FGF10: variants seen among roughly 807,000 people sequenced by gnomAD.
FGF10 encodes the protein fibroblast growth factor 10, also known as FGF-10.
FGF10 carries 2 observed loss-of-function variants against 19.8 expected under a neutral mutation model. That is an observed-to-expected ratio of 0.10 (90% CI 0.04 to 0.32). The LOEUF is 0.32. Ranked by LOEUF, FGF10 falls within the 10% of genes least tolerant of loss-of-function variation. The pLI is 1.00. For missense variants in FGF10, 191 were observed against 246.3 expected, an observed-to-expected ratio of 0.78 and a Z score of 1.50; for synonymous variants, 112 against 94.0, an observed-to-expected ratio of 1.19 and a Z score of -1.10.
intron 1 of FGF10, among the ~76,000 whole-genome samples, chr5:44,354,516 T>C (rs1342287411): frequency 6.6e-6 from 1 of 151,454 alleles, no homozygotes; most frequent in African/African-American, 2.4e-5. Context: ...CATCTGAAAA[T>C]CTTCAGAGAC....
chr5:44,350,466 A>T (rs1741206508), intron 1 of FGF10, among the ~76,000 whole-genome samples: 1 of 150,862 alleles, frequency 6.6e-6, no homozygotes, highest in Non-Finnish European at 1.5e-5. Flanking sequence ...AATTATGAGT[A>T]GCTATTTTAA....
intron 1 of FGF10, among the ~76,000 whole-genome samples, chr5:44,318,123 C>T (rs141292752): frequency 6.6e-6 from 1 of 152,086 alleles, no homozygotes; most frequent in Admixed American, 6.6e-5. Flanking sequence ...ATGTTTGAGT[C>T]ATTTGCTGTG....
Position 44,306,940 on chromosome 5 carries a change from T to C in FGF10, c.430-1748A>G, listed in dbSNP as rs570109951. On this transcript the variant is annotated intron_variant, in intron 2 of 2. Coordinates refer to ENST00000264664, the MANE Select transcript of FGF10 (RefSeq NM_004465.2). ...TACTTTTATTCTCTTTATCTCAGTC[T>C]GTCTAAAACTATATACTTTTCAAAG... Among the ~76,000 whole-genome samples, 13 of 152,364 alleles carry C rather than the reference T, an allele frequency of 8.5e-5. No individual in the cohort carries two copies. In the South Asian group the frequency reaches 2.7e-3, roughly 32 times the overall value.
At chr5:44,323,404 A>G (rs984307017) in intron 1 of FGF10, among the ~76,000 whole-genome samples, 2 of 152,126 alleles carry the variant, frequency 1.3e-5, no homozygotes, top group African/African-American at 4.8e-5. Flanking sequence ...AAATATTAGA[A>G]CTCAGCATGA....
intron 1 of FGF10, among the ~76,000 whole-genome samples, chr5:44,372,539 TC>T (rs1214399959): frequency 6.6e-6 from 1 of 152,150 alleles, no homozygotes; most frequent in Non-Finnish European, 1.5e-5. Flanking sequence ...GCCTTCTGTA[TC>T]CTACCTAAAT....
intron 1 of FGF10, among the ~76,000 whole-genome samples, chr5:44,359,097 C>T (rs544302563): frequency 2.0e-5 from 3 of 151,508 alleles, no homozygotes; most frequent in East Asian, 3.9e-4. Context: ...ATGAGAGCCT[C>T]CTAACAAGAT....
intron 1 of FGF10, among the ~76,000 whole-genome samples, chr5:44,339,865 C>A (rs1041454639): frequency 2.0e-5 from 3 of 152,130 alleles, no homozygotes; most frequent in African/African-American, 7.2e-5. Context: ...CCATCTCTTG[C>A]ATCATTCTTA....
chr5:44,328,102 C>A (rs1376003317), intron 1 of FGF10, among the ~76,000 whole-genome samples: 1 of 152,116 alleles, frequency 6.6e-6, no homozygotes, highest in Non-Finnish European at 1.5e-5. Context: ...TTTCCTTTCA[C>A]CTTTATGTAA....
intron 1 of FGF10, among the ~76,000 whole-genome samples, chr5:44,347,102 A>G (rs902533870): frequency 2.6e-5 from 4 of 151,786 alleles, no homozygotes; most frequent in African/African-American, 4.8e-5. Flanking sequence ...CCAAGAACAT[A>G]GTAAATACTC....
intron 1 of FGF10, among the ~76,000 whole-genome samples, chr5:44,388,038 A>G (rs1312914058): frequency 6.6e-6 from 1 of 151,528 alleles, no homozygotes; most frequent in African/African-American, 2.4e-5. Flanking sequence ...GGCGGTGGAG[A>G]GAGAAAGGGG....
chr5:44,332,255 C>A (rs1740752999), intron 1 of FGF10, among the ~76,000 whole-genome samples: 1 of 152,098 alleles, frequency 6.6e-6, no homozygotes, highest in African/African-American at 2.4e-5. Flanking sequence ...CCTTCCTCAT[C>A]TGTAAAATAA....
chr5:44,326,001 A>G (rs191516820), intron 1 of FGF10, among the ~76,000 whole-genome samples: 3 of 152,354 alleles, frequency 2.0e-5, no homozygotes, highest in African/African-American at 7.2e-5. Flanking sequence ...GTATATGAAT[A>G]GATACACATC....
At chr5:44,311,262 C>T (rs1377753916) in intron 1 of FGF10, among the ~76,000 whole-genome samples, 1 of 151,796 alleles carries the variant, frequency 6.6e-6, no homozygotes, top group Non-Finnish European at 1.5e-5. Flanking sequence ...ACACAAGTTT[C>T]GATTGCTGCA....
intron 1 of FGF10, among the ~76,000 whole-genome samples, chr5:44,349,100 A>C (rs1741157197): frequency 6.6e-6 from 1 of 151,306 alleles, no homozygotes; most frequent in Non-Finnish European, 1.5e-5. Flanking sequence ...TAAATAATTT[A>C]AGATTAAATT....
intron 2 of FGF10, among the ~76,000 whole-genome samples, chr5:44,308,039 T>C (rs1229479498): frequency 6.6e-6 from 1 of 152,162 alleles, no homozygotes; most frequent in Non-Finnish European, 1.5e-5. Context: ...CCTCACTCTC[T>C]CCAAGGTCAC....
intron 1 of FGF10, among the ~76,000 whole-genome samples, chr5:44,348,590 G>A (rs1353571844): frequency 6.6e-6 from 1 of 151,270 alleles, no homozygotes; most frequent in Non-Finnish European, 1.5e-5. Context: ...TATCTCTAGA[G>A]GTTCTTAGGA....
Position 44,388,497 on chromosome 5 carries a change from G to A in FGF10, c.186C>T (p.Ser62=), listed in dbSNP as rs886060654. The change falls in exon 1 of 3, where the codon AGC becomes AGT. Residue 62 remains serine (S), a synonymous_variant. Transcript: ENST00000264664. ...SSSSSFSSPS[S]AGRHVRSYNH... is the part of the protein sequence containing the mutation. ...TGTAGCTCCGCACATGCCTTCCCGCGCTGGAAGGAGAGGAGAAGGAGGAGG... is the reference window on the plus strand; with the variant it reads ...TGTAGCTCCGCACATGCCTTCCCGCACTGGAAGGAGAGGAGAAGGAGGAGG... 1.9e-6 allele frequency: 3 copies of A among 1,614,140 alleles called. No homozygotes were observed. The Admixed American group carries it at 5.0e-5, about 27-fold the overall frequency.
intron 1 of FGF10, among the ~76,000 whole-genome samples, chr5:44,334,703 C>T (rs1740807629): frequency 6.6e-6 from 1 of 152,002 alleles, no homozygotes; most frequent in African/African-American, 2.4e-5. Context: ...CAATATCAGC[C>T]AAATGCTCTT....
chr5:44,366,146 T>TC (rs1741607756), intron 1 of FGF10, among the ~76,000 whole-genome samples: 1 of 145,872 alleles, frequency 6.9e-6, no homozygotes, highest in Admixed American at 6.9e-5. Context: ...TTTTTTTTTT[T>TC]TTTTTGCTGT....
Sources: gnomAD v4.1 joint callset for allele counts (sites outside exome capture counted in the v4.1 genomes callset) on GRCh38, gnomAD v4.1.1 for gene constraint, MANE v1.5 for transcripts, NCBI Gene and HGNC (gene_info 2026-07-23, HGNC 2026-07-21) for gene names.